The following SLC24A3 variants were observed in gnomAD, a reference collection of about 807,000 sequenced individuals.
SLC24A3 encodes sodium/potassium/calcium exchanger 3.
In SLC24A3, 28 loss-of-function variants were observed where a neutral mutation model predicts 75.8. The observed-to-expected ratio is 0.37, with a 90% CI of 0.27 to 0.51. The LOEUF (loss-of-function observed/expected upper bound fraction) is 0.51, where lower values mean the gene tolerates loss of function less well. Ranked by LOEUF, SLC24A3 falls within the 20% of genes least tolerant of loss-of-function variation. The pLI is 0.94. For synonymous variants in SLC24A3, 372 were observed against 334.1 expected (o/e 1.11, Z -1.24); for missense variants, 663 against 847.8 (o/e 0.78, Z 2.71).
intron 6 of SLC24A3, among the ~76,000 whole-genome samples, chr20:19,632,568 ATC>A (rs924011949): frequency 4.6e-5 from 7 of 152,182 alleles, no homozygotes; most frequent in South Asian, 2.1e-4. Context: ...TAACCTCTCT[ATC>A]CCAACATCCT....
At chr20:19,434,905 A>C (rs1987171677) in intron 2 of SLC24A3, among the ~76,000 whole-genome samples, 1 of 152,196 alleles carries the variant, frequency 6.6e-6, no homozygotes, top group Non-Finnish European at 1.5e-5. Flanking sequence ...TTACTTTTGT[A>C]AGCCACTTAA....
At chr20:19,544,162 CA>C (rs1021551154) in intron 3 of SLC24A3, among the ~76,000 whole-genome samples, 1 of 152,154 alleles carries the variant, frequency 6.6e-6, no homozygotes, top group Non-Finnish European at 1.5e-5. Context: ...TTTCCAAATT[CA>C]AAACACCCTC....
At chr20:19,670,292 G>A (rs910856270) in intron 8 of SLC24A3, among the ~76,000 whole-genome samples, 1 of 152,132 alleles carries the variant, frequency 6.6e-6, no homozygotes, top group South Asian at 2.1e-4. Flanking sequence ...GGAACAGCAG[G>A]TGGGGCGGCA....
intron 2 of SLC24A3, among the ~76,000 whole-genome samples, chr20:19,366,370 A>G (rs944562984): frequency 6.6e-5 from 10 of 152,218 alleles, no homozygotes; most frequent in Non-Finnish European, 1.5e-5. Flanking sequence ...CGACCTTTAA[A>G]TGTCATTGAT....
intron 2 of SLC24A3, among the ~76,000 whole-genome samples, chr20:19,304,342 C>A (rs1021795059): frequency 2.0e-5 from 3 of 152,058 alleles, no homozygotes; most frequent in African/African-American, 7.3e-5. Flanking sequence ...TGCGTAACTT[C>A]TCGTAGTTTC....
intron 2 of SLC24A3, among the ~76,000 whole-genome samples, chr20:19,390,544 G>A (rs145563181): frequency 2.0e-5 from 3 of 152,298 alleles, no homozygotes; most frequent in Non-Finnish European, 4.4e-5. Context: ...ACTGGGGCAG[G>A]CCTGGAGGCT....
intron 6 of SLC24A3, among the ~76,000 whole-genome samples, chr20:19,647,819 T>C (rs1437200740): frequency 6.6e-6 from 1 of 152,242 alleles, no homozygotes; most frequent in African/African-American, 2.4e-5. Flanking sequence ...ACTGTCCTGA[T>C]ATGGCCTTGT....
chr20:19,604,872 G>C (rs1294869138), intron 6 of SLC24A3, among the ~76,000 whole-genome samples: 1 of 152,142 alleles, frequency 6.6e-6, no homozygotes, highest in Non-Finnish European at 1.5e-5. Context: ...GACAGATTGT[G>C]CAGGTGGTCA....
intron 1 of SLC24A3, among the ~76,000 whole-genome samples, chr20:19,280,613 C>T (rs767298340): frequency 1.3e-5 from 2 of 152,198 alleles, no homozygotes; most frequent in African/African-American, 2.4e-5. Context: ...CTTTTCTCCC[C>T]CTTCGAGATT....
chr20:19,685,973 C>T (rs983251908), intron 12 of SLC24A3, among the ~76,000 whole-genome samples: 34 of 152,252 alleles, frequency 2.2e-4, no homozygotes, highest in African/African-American at 7.9e-4. Context: ...GGTCCATTTC[C>T]TGAGAAAAGA....
At chr20:19,563,570 G>A (rs2122613505) in intron 3 of SLC24A3, among the ~76,000 whole-genome samples, 1 of 152,292 alleles carries the variant, frequency 6.6e-6, no homozygotes, top group African/African-American at 2.4e-5. Flanking sequence ...AATATTTAAA[G>A]AATATAGGCT....
intron 3 of SLC24A3, among the ~76,000 whole-genome samples, chr20:19,548,201 G>A (rs1005827886): frequency 3.3e-5 from 5 of 152,138 alleles, no homozygotes; most frequent in African/African-American, 1.2e-4. Flanking sequence ...TGGTGCTCAT[G>A]CCTTACCTGG....
intron 9 of SLC24A3, among the ~76,000 whole-genome samples, chr20:19,677,264 A>T (rs552885861): frequency 4.6e-4 from 70 of 151,476 alleles, no homozygotes; most frequent in African/African-American, 1.6e-3. Flanking sequence ...GTTTGAGACT[A>T]ACCTCAGCAA....
At chr20:19,248,322 T>C (rs1982554474) in intron 1 of SLC24A3, among the ~76,000 whole-genome samples, 1 of 152,138 alleles carries the variant, frequency 6.6e-6, no homozygotes, top group African/African-American at 2.4e-5. Context: ...ATTGTAAACA[T>C]TACCATGTAA....
At chr20:19,311,128 GCA>G (rs1476194076) in intron 2 of SLC24A3, among the ~76,000 whole-genome samples, 2 of 151,348 alleles carry the variant, frequency 1.3e-5, no homozygotes, top group South Asian at 2.1e-4. Context: ...TAGTGGAGAA[GCA>G]CAGTTTGGGG....
At chr20:19,499,141 C>T (rs1423490191) in intron 2 of SLC24A3, among the ~76,000 whole-genome samples, 1 of 152,238 alleles carries the variant, frequency 6.6e-6, no homozygotes, top group East Asian at 1.9e-4. Flanking sequence ...GACCACCTAC[C>T]TGAGGCCGGT....
chr20:19,228,273 T>A (rs1268181785), intron 1 of SLC24A3, among the ~76,000 whole-genome samples: 6 of 152,212 alleles, frequency 3.9e-5, no homozygotes, highest in African/African-American at 1.4e-4. Flanking sequence ...ATGGATCCCC[T>A]TGGCTATTAG....
intron 2 of SLC24A3, among the ~76,000 whole-genome samples, chr20:19,410,503 G>A (rs1193082318): frequency 6.6e-6 from 1 of 152,110 alleles, no homozygotes; most frequent in Admixed American, 6.6e-5. Context: ...AGAACACTCA[G>A]GGACAATAAG....
intron 6 of SLC24A3, among the ~76,000 whole-genome samples, chr20:19,589,984 T>G (rs1252553710): frequency 6.6e-6 from 1 of 152,116 alleles, no homozygotes; most frequent in Non-Finnish European, 1.5e-5. Context: ...TATCATTGCA[T>G]TCTTATGATT....
Sources: allele counts gnomAD v4.1 joint callset (sites outside exome capture counted in the v4.1 genomes callset), GRCh38; gene constraint gnomAD v4.1.1; transcripts MANE v1.5; gene names NCBI Gene and HGNC (gene_info 2026-07-23, HGNC 2026-07-21).